ARSF: variants seen among roughly 807,000 people sequenced by gnomAD.
The protein encoded by ARSF is arylsulfatase F.
In ARSF, 33 loss-of-function variants were observed where a neutral mutation model predicts 35.4. The ratio of observed to expected loss-of-function variants is 0.93; its 90% CI spans 0.71 to 1.25. The LOEUF is 1.25. ARSF is among the 50% of genes most tolerant of loss of function. ARSF has a pLI of 0.00. For missense variants in ARSF, 501 were observed against 480.2 expected (o/e 1.04, Z -0.40); for synonymous variants, 222 against 193.1 (o/e 1.15, Z -1.24).
intron 1 of ARSF, among the ~76,000 whole-genome samples, chrX:3,060,840 G>A (rs771206705): frequency 6.3e-5 from 7 of 111,800 alleles, no homozygotes; most frequent in Non-Finnish European, 1.9e-5. Flanking sequence ...ACATCTGATT[G>A]GTGTACCTGA....
At chrX:3,109,797 G>T (rs2090432539) in intron 9 of ARSF, among the ~76,000 whole-genome samples, 1 of 112,384 alleles carries the variant, frequency 8.9e-6, no homozygotes, top group Non-Finnish European at 1.9e-5. Flanking sequence ...CAATATAATT[G>T]CAAATGAAGT....
intron 6 of ARSF, 136 bp from the exon 7 acceptor site, chrX:3,089,360 C>A (rs1427728650): frequency 2.9e-6 from 2 of 679,953 alleles, no homozygotes; most frequent in Non-Finnish European, 4.5e-6. Flanking sequence ...CAGGATGGGG[C>A]CCTTGGGTGG....
intron 1 of ARSF, among the ~76,000 whole-genome samples, chrX:3,051,127 A>T (rs1312089756): frequency 9.0e-6 from 1 of 111,079 alleles, no homozygotes; most frequent in Non-Finnish European, 1.9e-5. Context: ...TGTAACAATA[A>T]CTGAACTCTT....
chrX:3,064,638 C>T (rs2090055730), intron 1 of ARSF, among the ~76,000 whole-genome samples: 1 of 111,452 alleles, frequency 9.0e-6, no homozygotes, highest in African/African-American at 3.3e-5. Flanking sequence ...AAAAAGTGGG[C>T]AAAGGATATG....
chrX:3,092,510 T>G (rs2090302185), intron 7 of ARSF, among the ~76,000 whole-genome samples: 1 of 112,031 alleles, frequency 8.9e-6, no homozygotes, highest in African/African-American at 3.2e-5. Context: ...ATGACTTTAA[T>G]TTCGATGGGA....
intron 1 of ARSF, among the ~76,000 whole-genome samples, chrX:3,052,959 G>C (rs1238397445): frequency 1.8e-5 from 2 of 111,093 alleles, no homozygotes; most frequent in Non-Finnish European, 3.8e-5. Context: ...AGAAAGACTG[G>C]GTGAGGTTGC....
chrX:3,093,719 G>C (rs1159719584), intron 7 of ARSF, among the ~76,000 whole-genome samples: 1 of 111,421 alleles, frequency 9.0e-6, no homozygotes, highest in Non-Finnish European at 1.9e-5. Flanking sequence ...GTGTCTATTT[G>C]GTAGAATGAT....
intron 5 of ARSF, among the ~76,000 whole-genome samples, chrX:3,083,059 CCAT>C (rs1350026641): frequency 4.5e-5 from 5 of 110,014 alleles, no homozygotes; most frequent in African/African-American, 1.7e-4. Flanking sequence ...ATCCATCTAT[CCAT>C]CATATCTATC....
At chrX:3,103,650 G>C in intron 8 of ARSF, 112 bp from the exon 9 acceptor site, 1 of 897,101 alleles carries the variant, frequency 1.1e-6, no homozygotes, top group Non-Finnish European at 1.6e-6. Context: ...ACATAGAGTA[G>C]ACACTATACA....
chrX:3,084,554 C>T lies in ARSF; in HGVS notation c.718C>T (p.Pro240Ser). Reference sequence around the variant, plus strand: ...TGCTTGGTTCTCCAGCCACACGTCCCCTTTATACTGGGACTGCCTCCTCAT... The same window carrying T: ...TGCTTGGTTCTCCAGCCACACGTCCTCTTTATACTGGGACTGCCTCCTCAT... The part of the protein sequence containing the change: ...GYAWFSSHTS[P>S]LYWDCLLMRG... Residue 240 changes from proline to serine, a missense_variant, in exon 6 of 11, where the codon CCT (proline) becomes TCT (serine). Physicochemically the swap from Pro to Ser is moderately conservative, Grantham distance 74. Transcript: ENST00000381127. The T allele has an allele frequency of 8.3e-7, 1 of 1,211,629 alleles. No homozygotes were observed. The highest frequency in any genetic ancestry group is 1.1e-6 in the Non-Finnish European group (1 of 895,506).
At chrX:3,076,109 C>G (rs2090146792) in intron 3 of ARSF, among the ~76,000 whole-genome samples, 1 of 107,787 alleles carries the variant, frequency 9.3e-6, no homozygotes, top group African/African-American at 3.4e-5. Flanking sequence ...TTCTGTTTCT[C>G]TCTCTCTGTC....
At position 3,046,582 on chromosome X, in the gene ARSF, C is replaced by T. The variant is rs142562243; in HGVS notation, c.-29+4919C>T. Among the ~76,000 whole-genome samples, 454 of 111,646 alleles carry T rather than the reference C, an allele frequency of 4.1e-3. 2 individuals are homozygous for T. The highest frequency in any genetic ancestry group is 0.014 in the African/African-American group (424 of 30,735). ...GGAATTTCGTTCACTGGATATATAGCAAATGCAAATTAATAAGGAAAAAGT... is the reference window on the plus strand; with the variant it reads ...GGAATTTCGTTCACTGGATATATAGTAAATGCAAATTAATAAGGAAAAAGT... On this transcript the variant is annotated intron_variant, in intron 1 of 10. Transcript: ENST00000381127.
At chrX:3,059,096 C>T (rs1190766514) in intron 1 of ARSF, among the ~76,000 whole-genome samples, 1 of 111,664 alleles carries the variant, frequency 9.0e-6, no homozygotes, top group Non-Finnish European at 1.9e-5. Flanking sequence ...AATGAGACTG[C>T]AAACCGATGG....
intron 2 of ARSF, among the ~76,000 whole-genome samples, chrX:3,070,941 GT>G (rs2090098932): frequency 7.6e-5 from 1 of 13,230 alleles, no homozygotes; most frequent in Non-Finnish European, 2.0e-4. Context: ...ATTCCATGGT[GT>G]GTGTGTGTGT....
At chrX:3,075,761 GTC>G (rs776459647) in intron 3 of ARSF, among the ~76,000 whole-genome samples, 2 of 106,966 alleles carry the variant, frequency 1.9e-5, no homozygotes, top group Admixed American at 2.0e-4. Context: ...CTCTGTCTCT[GTC>G]TCTCTCTTTG....
In ARSF at chrX:3,089,710, C is replaced by T. The variant is rs1019463195; in HGVS notation, c.967+78C>T. On this transcript the variant is annotated intron_variant, in intron 7 of 10. Transcript: ENST00000381127. ...ACACCTGAAAACTGCTCTTGGTCAA[C>T]CTGTAGAGTGAAGAGAATTATGCCT... 4.6e-6 allele frequency: 5 copies of T among 1,080,661 alleles called. No individual in the cohort carries two copies. In the African/African-American group the frequency reaches 9.1e-5, roughly 20 times the overall value. The allele number at this position is 1,080,661 out of a possible 1,213,427, so 89.1% of individuals were successfully genotyped here. A position where few individuals can be genotyped will look rare whatever the true frequency, so the allele number is the denominator to read the frequency against.
intron 1 of ARSF, among the ~76,000 whole-genome samples, chrX:3,052,273 A>G (rs1701038039): frequency 1.8e-5 from 2 of 111,998 alleles, no homozygotes; most frequent in South Asian, 7.4e-4. Flanking sequence ...CATTCATTTT[A>G]GTTTTCAGCA....
At chrX:3,110,912 C>A (rs2090440698) in intron 10 of ARSF, among the ~76,000 whole-genome samples, 1 of 111,617 alleles carries the variant, frequency 9.0e-6, no homozygotes, top group Non-Finnish European at 1.9e-5. Flanking sequence ...AAAAACAAAA[C>A]CAAAAAATAT....
chrX:3,090,013 C>A (rs757214774), intron 7 of ARSF, among the ~76,000 whole-genome samples: 12 of 110,709 alleles, frequency 1.1e-4, no homozygotes, highest in Non-Finnish European at 2.1e-4. Flanking sequence ...ATGATCAAAC[C>A]CTTCACCCGG....
Sources: gnomAD v4.1 joint callset for allele counts (sites outside exome capture counted in the v4.1 genomes callset) on GRCh38, gnomAD v4.1.1 for gene constraint, MANE v1.5 for transcripts, NCBI Gene and HGNC (gene_info 2026-07-23, HGNC 2026-07-21) for gene names.